Variants in CSMD1 observed in about 807,000 individuals in gnomAD.
The protein encoded by CSMD1 is CUB and Sushi multiple domains 1.
In CSMD1, 213 loss-of-function variants were observed where a neutral mutation model predicts 417.5. The observed-to-expected ratio is 0.51, with a 90% CI of 0.46 to 0.57. CSMD1 has a LOEUF of 0.57. CSMD1 is among the 20% of genes least tolerant of loss of function. The pLI is 0.00. For synonymous variants in CSMD1, 2,862 were observed against 1,736.8 expected (o/e 1.65, Z -16.11); for missense variants, 6,923 against 4,529.7 (o/e 1.53, Z -15.17).
chr8:4,472,337 ATGTATGTACC>A (rs1185341186), intron 2 of CSMD1, among the ~76,000 whole-genome samples: 1 of 152,176 alleles, frequency 6.6e-6, no homozygotes, highest in African/African-American at 2.4e-5. Flanking sequence ...TAGAGAAAGC[ATGTATGTACC>A]TGGTTTATTT....
chr8:4,002,620 T>C (rs1248995411), intron 4 of CSMD1, among the ~76,000 whole-genome samples: 4 of 152,198 alleles, frequency 2.6e-5, no homozygotes, highest in South Asian at 2.1e-4. Context: ...GCTAAAGATA[T>C]TAAATTGCTC....
At chr8:3,732,669 T>C (rs1476405777) in intron 6 of CSMD1, among the ~76,000 whole-genome samples, 8 of 152,110 alleles carry the variant, frequency 5.3e-5, no homozygotes, top group Admixed American at 5.2e-4. Context: ...CAATCCTAAA[T>C]TGATTTTTTT....
chr8:4,885,242 A>G (rs980551246), intron 1 of CSMD1, among the ~76,000 whole-genome samples: 3 of 152,056 alleles, frequency 2.0e-5, no homozygotes, highest in Non-Finnish European at 4.4e-5. Context: ...CGAATTTCTT[A>G]GCATTTTCCA....
intron 3 of CSMD1, among the ~76,000 whole-genome samples, chr8:4,103,296 G>A (rs140698063): frequency 6.3e-4 from 95 of 150,968 alleles, no homozygotes; most frequent in Middle Eastern, 3.5e-3. Context: ...TATGACGTGT[G>A]TGTGCATATA....
intron 3 of CSMD1, among the ~76,000 whole-genome samples, chr8:4,294,042 G>T (rs556957752): frequency 1.1e-4 from 16 of 152,118 alleles, no homozygotes; most frequent in Non-Finnish European, 1.5e-5. Context: ...TCTTTATTGC[G>T]TGGTTCTCAA....
In CSMD1 at chr8:3,292,965, C is replaced by T. The variant is rs572505923; in HGVS notation, c.3951-8619G>A. Among the ~76,000 whole-genome samples the T allele has an allele frequency of 8.8e-4, 133 of 151,836 alleles. 2 individuals carry two copies. Among genetic ancestry groups the T allele is most frequent in the East Asian group, 3.7e-3 (19 of 5,164 alleles). On this transcript the variant is annotated intron_variant, in intron 25 of 69. Coordinates refer to ENST00000635120, the MANE Select transcript of CSMD1 (RefSeq NM_033225.6). ...GGCATGATTTTGCAGTGGCTGGTACCGGTTGTTCCTTTCCATGTTTAGTGC... is the reference window on the plus strand; with the variant it reads ...GGCATGATTTTGCAGTGGCTGGTACTGGTTGTTCCTTTCCATGTTTAGTGC...
At chr8:3,864,179 T>C (rs1804920302) in intron 5 of CSMD1, among the ~76,000 whole-genome samples, 2 of 152,200 alleles carry the variant, frequency 1.3e-5, no homozygotes, top group Non-Finnish European at 2.9e-5. Flanking sequence ...GGAAATCTGC[T>C]AAATGATAAA....
At chr8:4,947,936 G>T (rs949467340) in intron 1 of CSMD1, among the ~76,000 whole-genome samples, 1 of 151,940 alleles carries the variant, frequency 6.6e-6, no homozygotes, top group African/African-American at 2.4e-5. Context: ...TGGGTGCTTT[G>T]TGCGTTTATT....
chr8:3,723,018 C>G (rs1802276751), intron 6 of CSMD1, among the ~76,000 whole-genome samples: 1 of 152,310 alleles, frequency 6.6e-6, no homozygotes, highest in South Asian at 2.1e-4. Context: ...CAGCTGGGCC[C>G]TCTGAGCTGG....
At chr8:3,537,653 CA>C (rs1267875956) in intron 10 of CSMD1, among the ~76,000 whole-genome samples, 1 of 152,072 alleles carries the variant, frequency 6.6e-6, no homozygotes. Context: ...TCATTTATTT[CA>C]GGCAAATTAC....
At chr8:3,771,135 A>G (rs1298484806) in intron 5 of CSMD1, among the ~76,000 whole-genome samples, 2 of 152,088 alleles carry the variant, frequency 1.3e-5, no homozygotes, top group Non-Finnish European at 2.9e-5. Context: ...GTGAACAAAA[A>G]ATAAAACATT....
At chr8:3,041,489 T>C (rs549876333) in intron 50 of CSMD1, among the ~76,000 whole-genome samples, 4 of 152,356 alleles carry the variant, frequency 2.6e-5, no homozygotes, top group Admixed American at 2.0e-4. Context: ...AGGCGTAATA[T>C]TATCCATAGC....
At chr8:4,475,135 A>T (rs1800731403) in intron 2 of CSMD1, among the ~76,000 whole-genome samples, 1 of 152,174 alleles carries the variant, frequency 6.6e-6, no homozygotes, top group African/African-American at 2.4e-5. Flanking sequence ...TATTATGTTT[A>T]GGCTAGTATT....
At chr8:4,158,089 C>CT (rs57117925) in intron 3 of CSMD1, among the ~76,000 whole-genome samples, 4,180 of 142,028 alleles carry the variant, frequency 0.029, 211 homozygotes, top group African/African-American at 0.1. Context: ...CAAGAAAACC[C>CT]TTTTTTTTTT....
chr8:4,703,245 T>C (rs1173027623), intron 1 of CSMD1, among the ~76,000 whole-genome samples: 4 of 152,234 alleles, frequency 2.6e-5, no homozygotes, highest in African/African-American at 7.2e-5. Flanking sequence ...TTCTCAACCA[T>C]GGCAATGATG....
intron 26 of CSMD1, among the ~76,000 whole-genome samples, chr8:3,238,870 A>G (rs1230403782): frequency 6.6e-6 from 1 of 152,050 alleles, no homozygotes; most frequent in African/African-American, 2.4e-5. Context: ...AATGGCTTGG[A>G]GAAATAGTGT....
At chr8:4,914,276 T>A (rs1805902997) in intron 1 of CSMD1, among the ~76,000 whole-genome samples, 1 of 152,148 alleles carries the variant, frequency 6.6e-6, no homozygotes, top group Admixed American at 6.5e-5. Flanking sequence ...AACATTTCAC[T>A]TTAAAAATTG....
intron 7 of CSMD1, among the ~76,000 whole-genome samples, chr8:3,651,693 A>G (rs565443671): frequency 6.6e-6 from 1 of 152,232 alleles, no homozygotes; most frequent in Admixed American, 6.5e-5. Flanking sequence ...TAACACCATC[A>G]GAGCGCTTAC....
In CSMD1 at chr8:3,482,040, C is replaced by G. The variant is rs1817778246; in HGVS notation, c.1448+11583G>C. The stretch of plus-strand genomic sequence containing the variant: ...CCACTTTGAAAACTACAAAGAAATA[C>G]ATGAAATATACCACAAACAGGTTAA... On this transcript the variant is annotated intron_variant, in intron 11 of 69. Coordinates refer to ENST00000635120, the MANE Select transcript of CSMD1 (RefSeq NM_033225.6). Among the ~76,000 whole-genome samples, 9 of 152,060 alleles carry G rather than the reference C, an allele frequency of 5.9e-5. No individual in the cohort carries two copies. In the South Asian group the frequency reaches 1.7e-3, roughly 28 times the overall value.
Sources: gnomAD v4.1 joint callset for allele counts (sites outside exome capture counted in the v4.1 genomes callset) on GRCh38, gnomAD v4.1.1 for gene constraint, MANE v1.5 for transcripts, NCBI Gene and HGNC (gene_info 2026-07-23, HGNC 2026-07-21) for gene names.